Variants in ASCC3 observed in about 807,000 individuals in gnomAD.
ASCC3 encodes the protein ASC-1 complex subunit P200.
Under a neutral mutation model 256.3 loss-of-function variants are expected in ASCC3, and 158 were observed. The ratio of observed to expected loss-of-function variants is 0.62; its 90% confidence interval spans 0.54 to 0.70. ASCC3 has a LOEUF of 0.70. Ranked by LOEUF, ASCC3 falls within the 30% of genes least tolerant of loss-of-function variation. ASCC3 has a pLI of 0.00. For missense variants in ASCC3, 2,259 were observed against 2,626.0 expected, an observed-to-expected ratio of 0.86 and a Z score of 3.05; for synonymous variants, 948 against 883.4, an observed-to-expected ratio of 1.07 and a Z score of -1.30.
At chr6:100,675,799 C>T (rs986171290) in intron 14 of ASCC3, among the ~76,000 whole-genome samples, 6 of 151,952 alleles carry the variant, frequency 3.9e-5, no homozygotes, top group Non-Finnish European at 5.9e-5. Context: ...CAGAAACATA[C>T]GGTAAAGGGA....
intron 4 of ASCC3, among the ~76,000 whole-genome samples, chr6:100,830,172 G>A (rs1224825465): frequency 6.6e-6 from 1 of 151,734 alleles, no homozygotes; most frequent in Non-Finnish European, 1.5e-5. Flanking sequence ...GATAAGAGGG[G>A]ACTACCACAT....
At chr6:100,603,625 T>C (rs1048400049) in intron 33 of ASCC3, among the ~76,000 whole-genome samples, 8 of 152,110 alleles carry the variant, frequency 5.3e-5, no homozygotes, top group Non-Finnish European at 8.8e-5. Flanking sequence ...CATTCCCTCA[T>C]ACTCCTGCTT....
At chr6:100,544,641 T>C (rs986996210) in intron 36 of ASCC3, among the ~76,000 whole-genome samples, 1 of 152,066 alleles carries the variant, frequency 6.6e-6, no homozygotes, top group Non-Finnish European at 1.5e-5. Context: ...CTGAAAATCT[T>C]TACATGTATT....
At position 100,636,521 on chromosome 6, in the gene ASCC3, T is replaced by C. The variant is rs539415903; in HGVS notation, c.4122+2080A>G. Among the ~76,000 whole-genome samples, 3 of 152,258 alleles carry C rather than the reference T, an allele frequency of 2.0e-5. No homozygotes were observed. The East Asian group carries it at 5.8e-4, about 29-fold the overall frequency. ...TAATAACCCTACAATAGCCTCTAAA[T>C]GTTCGAGTGAAAGGAAGAGTTGCAT... On this transcript the variant is annotated intron_variant, in intron 25 of 41. Transcript: ENST00000369162.
chr6:100,837,915 T>C (rs1771955910), intron 4 of ASCC3, among the ~76,000 whole-genome samples: 1 of 152,104 alleles, frequency 6.6e-6, no homozygotes, highest in Non-Finnish European at 1.5e-5. Flanking sequence ...GATAAATGTA[T>C]GAGGTCATGG....
intron 41 of ASCC3, 97 bp downstream of exon 41, chr6:100,509,835 C>T (rs1773669114): frequency 3.2e-6 from 4 of 1,244,654 alleles, no homozygotes; most frequent in Non-Finnish European, 4.6e-6. Flanking sequence ...TTGCAGTGAG[C>T]AGAGATCGCG....
intron 14 of ASCC3, among the ~76,000 whole-genome samples, chr6:100,669,720 AAAG>A (rs1776647726): frequency 6.6e-6 from 1 of 151,870 alleles, no homozygotes; most frequent in Non-Finnish European, 1.5e-5. Flanking sequence ...GTTTGATAAA[AAAG>A]AAGAAACAAT....
chr6:100,547,076 T>C (rs766074542), intron 36 of ASCC3, among the ~76,000 whole-genome samples: 1 of 151,992 alleles, frequency 6.6e-6, no homozygotes, highest in Non-Finnish European at 1.5e-5. Flanking sequence ...ATAACCCACA[T>C]ATACAAGGGC....
chr6:100,642,495 T>C (rs1775175987), intron 24 of ASCC3, 86 bp downstream of exon 24: 49 of 1,386,414 alleles, frequency 3.5e-5, no homozygotes, highest in Non-Finnish European at 4.4e-5. Flanking sequence ...AAGTAAAACT[T>C]TATTACGGTG....
intron 14 of ASCC3, among the ~76,000 whole-genome samples, chr6:100,675,443 G>A (rs1006473325): frequency 6.6e-6 from 1 of 152,082 alleles, no homozygotes; most frequent in Non-Finnish European, 1.5e-5. Flanking sequence ...CACCGAAGCT[G>A]CTCATGCAAA....
rs2114902977 is a variant in ASCC3, at chr6:100,646,888, T to C, written c.3479-119A>G. 2.8e-6 allele frequency: 3 copies of C among 1,057,168 alleles called. No individual in the cohort carries two copies. In the South Asian group the frequency reaches 4.1e-5, roughly 14 times the overall value. 65.5% of individuals were successfully genotyped at this position (1,057,168 alleles called of 1,614,324 possible). On this transcript the variant is annotated intron_variant, in intron 21 of 41. Transcript: ENST00000369162. ...ATTGCTTGTTTTATGATTTGCTATG[T>C]AGAATAGCTGACATTCTTGACCTGG...
intron 10 of ASCC3, among the ~76,000 whole-genome samples, chr6:100,762,034 G>A (rs1781443593): frequency 6.6e-6 from 1 of 152,096 alleles, no homozygotes; most frequent in South Asian, 2.1e-4. Context: ...GAGCTCATGT[G>A]TATACACAAC....
At chr6:100,607,382 G>T (rs1346684100) in intron 30 of ASCC3, among the ~76,000 whole-genome samples, 2 of 151,894 alleles carry the variant, frequency 1.3e-5, no homozygotes, top group East Asian at 3.9e-4. Context: ...CCATTAAAAA[G>T]GATGCAATAT....
rs1773614270 is a variant in ASCC3 at position 100,508,690 on chromosome 6, A to C, written c.*696T>G. The C allele has an allele frequency of 1.3e-5, 2 of 152,220 alleles. No individual in the cohort carries two copies. Among genetic ancestry groups the C allele is most frequent in the Non-Finnish European group, 2.9e-5 (2 of 68,072 alleles). The allele number at this position is 152,220 out of a possible 1,614,324, so 9.4% of individuals were successfully genotyped here. A position where few individuals can be genotyped will look rare whatever the true frequency, so the allele number is the denominator to read the frequency against. On this transcript the variant is annotated 3_prime_UTR_variant, in exon 42 of 42. Coordinates refer to ENST00000369162, the MANE Select transcript of ASCC3 (RefSeq NM_006828.4). ...AAAAGAAGAACAGATGAGTAAGGGG[A>C]TATTATTTAAAGGAAGCAGAAGAAA...
At chr6:100,825,537 TTTTTC>T (rs1771262097) in intron 4 of ASCC3, among the ~76,000 whole-genome samples, 1 of 152,136 alleles carries the variant, frequency 6.6e-6, no homozygotes, top group African/African-American at 2.4e-5. Flanking sequence ...CCTTTAACAG[TTTTTC>T]CATCATTTCA....
Position 100,569,473 on chromosome 6 carries a change from C to A in ASCC3, c.5550+20161G>T, listed in dbSNP as rs1029273398. ...CTTGGCTCCACTGCAAGCTCTGCCT[C>A]CTGGGTTCACACCATTCTCCTGCCT... is the stretch of plus-strand genomic sequence containing the variant. On this transcript the variant is annotated intron_variant, in intron 36 of 41. Coordinates refer to ENST00000369162, the MANE Select transcript of ASCC3 (RefSeq NM_006828.4). 7.2e-5 allele frequency among the ~76,000 whole-genome samples: 11 copies of A among 152,186 alleles called. No homozygotes were observed. The East Asian group carries it at 1.4e-3, about 19-fold the overall frequency.
At chr6:100,710,341 C>T (rs1166998275) in intron 13 of ASCC3, among the ~76,000 whole-genome samples, 2 of 152,124 alleles carry the variant, frequency 1.3e-5, no homozygotes, top group South Asian at 4.1e-4. Flanking sequence ...TCTTCATGCC[C>T]TAGAGCAACC....
chr6:100,545,772 G>C (rs1467898266), intron 36 of ASCC3, among the ~76,000 whole-genome samples: 2 of 152,012 alleles, frequency 1.3e-5, no homozygotes, highest in Admixed American at 1.3e-4. Flanking sequence ...TGTAGACTTG[G>C]GATCTTACTA....
rs764649682 is a variant in ASCC3 at position 100,570,721 on chromosome 6, T to A, written c.5550+18913A>T. ...AAAAGAATCCATATGCCTGTCACAG[T>A]CCCCCCATTCCCCAAGACAAACATA... On this transcript the variant is annotated intron_variant, in intron 36 of 41. Coordinates refer to ENST00000369162, the MANE Select transcript of ASCC3 (RefSeq NM_006828.4). Among the ~76,000 whole-genome samples, 58 of 152,102 alleles carry A rather than the reference T, an allele frequency of 3.8e-4. 1 individual carries two copies. Among genetic ancestry groups the A allele is most frequent in the Non-Finnish European group, 6.3e-4 (43 of 68,002 alleles).
Sources: gnomAD v4.1 joint callset for allele counts (sites outside exome capture counted in the v4.1 genomes callset) on GRCh38, gnomAD v4.1.1 for gene constraint, MANE v1.5 for transcripts, NCBI Gene and HGNC (gene_info 2026-07-23, HGNC 2026-07-21) for gene names.